CACNA1C: variants seen among roughly 807,000 people sequenced by gnomAD.
CACNA1C encodes the protein voltage-dependent L-type calcium channel subunit alpha-1C.
A neutral mutation model predicts 229.0 loss-of-function variants in CACNA1C; 30 were observed. The observed-to-expected ratio is 0.13, with a 90% CI of 0.10 to 0.18. The LOEUF (loss-of-function observed/expected upper bound fraction) is 0.18. Among genes scored for constraint, CACNA1C ranks in the 10% least tolerant of loss-of-function variants. CACNA1C has a pLI of 1.00. For synonymous variants in CACNA1C, 1,114 were observed against 1,132.5 expected (o/e 0.98, Z 0.33); for missense variants, 1,658 against 2,845.0 (o/e 0.58, Z 9.49).
chr12:2,571,403 T>C (rs570067626), intron 13 of CACNA1C, among the ~76,000 whole-genome samples: 11 of 152,164 alleles, frequency 7.2e-5, no homozygotes, highest in Non-Finnish European at 1.3e-4. Context: ...GTAAAACTAT[T>C]TTTAACTTGC....
In CACNA1C at chr12:2,601,791, T is replaced by G; in HGVS notation, c.2854-63T>G. 9.9e-7 allele frequency: 1 copy of G among 1,013,120 alleles called. No individual in the cohort carries two copies. The highest frequency in any genetic ancestry group is 1.6e-6 in the Non-Finnish European group (1 of 631,882). The allele number at this position is 1,013,120 out of a possible 1,614,324, so 62.8% of individuals were successfully genotyped here. On this transcript the variant is annotated intron_variant, in intron 21 of 46. Coordinates refer to ENST00000399655, the MANE Select transcript of CACNA1C (RefSeq NM_000719.7). The surrounding 1 kb of genome is among the most constrained non-coding windows in gnomAD (Gnocchi z 5.9). Reference sequence around the variant, plus strand: ...GATGCTGTGGGAGGAAGGGGTGGTGTGAGGGGTCTCTGGGCTAGGGCTAGG... The same window carrying G: ...GATGCTGTGGGAGGAAGGGGTGGTGGGAGGGGTCTCTGGGCTAGGGCTAGG...
At chr12:2,129,059 C>T (rs1330123552) in intron 3 of CACNA1C, among the ~76,000 whole-genome samples, 1 of 152,242 alleles carries the variant, frequency 6.6e-6, no homozygotes, top group Non-Finnish European at 1.5e-5. Flanking sequence ...GACAGCACAT[C>T]ACCTTTCCCA....
intron 2 of CACNA1C, among the ~76,000 whole-genome samples, chr12:2,117,291 A>G (rs558236183): frequency 6.6e-6 from 1 of 152,308 alleles, no homozygotes; most frequent in Admixed American, 6.5e-5. Flanking sequence ...ATAAATAAAT[A>G]TAAATGTTTG....
chr12:2,426,820 C>T (rs1029900226), intron 3 of CACNA1C, among the ~76,000 whole-genome samples: 1 of 152,212 alleles, frequency 6.6e-6, no homozygotes, highest in African/African-American at 2.4e-5. Flanking sequence ...TCCACATGGC[C>T]TCTCATTCTT....
intron 3 of CACNA1C, among the ~76,000 whole-genome samples, chr12:2,137,342 G>A (rs2093639771): frequency 6.6e-6 from 1 of 151,132 alleles, no homozygotes; most frequent in African/African-American, 2.4e-5. Flanking sequence ...CTACCTCACT[G>A]AGTTATGGCA....
chr12:2,136,014 C>T, intron 3 of CACNA1C, among the ~76,000 whole-genome samples: 1 of 150,644 alleles, frequency 6.6e-6, no homozygotes, highest in South Asian at 2.1e-4. Context: ...TCGTGGTGCG[C>T]CGTTTTTTAA....
chr12:2,180,580 T>C (rs575387758), intron 3 of CACNA1C, among the ~76,000 whole-genome samples: 2 of 152,332 alleles, frequency 1.3e-5, no homozygotes, highest in African/African-American at 4.8e-5. Context: ...GGCATGTGAC[T>C]ACAGTGGCTC....
chr12:2,255,277 A>C (rs76625156), intron 3 of CACNA1C, among the ~76,000 whole-genome samples: 6,701 of 152,170 alleles, frequency 0.044, 174 homozygotes, highest in Middle Eastern at 0.068. Context: ...AGAAAAAAAA[A>C]AAAAAAAAAC....
chr12:1,974,343 A>T (rs1163938746), intron 1 of CACNA1C, among the ~76,000 whole-genome samples: 2 of 152,054 alleles, frequency 1.3e-5, no homozygotes, highest in Non-Finnish European at 2.9e-5. Flanking sequence ...TTCAACCTTC[A>T]CTGAGAGTTT....
Position 2,677,278 on chromosome 12 carries a change from C to A in CACNA1C, c.4956+57C>A. Reference sequence around the variant, plus strand: ...GAAGGTCCTGGTCATTGCCTCTGACCTCCAGTCAGGGTCCCGGTCCCTCCC... The same window carrying A: ...GAAGGTCCTGGTCATTGCCTCTGACATCCAGTCAGGGTCCCGGTCCCTCCC... On this transcript the variant is annotated intron_variant, in intron 40 of 46. Coordinates refer to ENST00000399655, the MANE Select transcript of CACNA1C (RefSeq NM_000719.7). The surrounding 1 kb of genome is among the most constrained non-coding windows in gnomAD (Gnocchi z 7.4). 6.3e-7 allele frequency: 1 copy of A among 1,583,100 alleles called. No homozygotes were observed. The highest frequency in any genetic ancestry group is 8.6e-7 in the Non-Finnish European group (1 of 1,161,552).
chr12:2,053,664 T>C lies in CACNA1C; in HGVS notation c.49+53T>C, dbSNP rs2053093330. The C allele has an allele frequency of 6.9e-7, 1 of 1,441,054 alleles. No homozygotes were observed. Among genetic ancestry groups the C allele is most frequent in the Non-Finnish European group, 9.2e-7 (1 of 1,085,912 alleles). 89.3% of individuals were successfully genotyped at this position (1,441,054 alleles called of 1,614,324 possible). On this transcript the variant is annotated intron_variant, in intron 1 of 46. Coordinates refer to ENST00000399655, the MANE Select transcript of CACNA1C (RefSeq NM_000719.7). This position sits in a 1 kb window ranked among gnomAD's most constrained non-coding sequence, Gnocchi z 5.8. ...GGGCTCCCTGCCTTTTCCACCGGGT[T>C]CCTGCCCTACCCGCGCTCCCCGCGG...
chr12:2,393,885 C>CA (rs1387806172), intron 3 of CACNA1C, among the ~76,000 whole-genome samples: 1 of 152,064 alleles, frequency 6.6e-6, no homozygotes, highest in Non-Finnish European at 1.5e-5. Context: ...GTGGGAGGAT[C>CA]ATGGGAGGCT....
At chr12:2,090,310 C>CTTTTTTTTTTTTTT (rs145675982) in intron 1 of CACNA1C, among the ~76,000 whole-genome samples, 1 of 69,196 alleles carries the variant, frequency 1.4e-5, no homozygotes, top group African/African-American at 5.8e-5. Flanking sequence ...GGATAGACTA[C>CTTTTTTTTTTTTTT]TTTTTTTTTT....
At position 2,665,033 on chromosome 12, in the gene CACNA1C, C is replaced by A; in HGVS notation, c.4398+43C>A. 1 of 1,602,598 alleles carries A rather than the reference C, an allele frequency of 6.2e-7. No homozygotes were observed. The highest frequency in any genetic ancestry group is 1.1e-5 in the South Asian group (1 of 90,738). ...TCAACAGCCAGCAGCCATGACTGCC[C>A]AGTTCCAGGGCAGTCTGAACCGTCC... is the stretch of plus-strand genomic sequence containing the variant. On this transcript the variant is annotated intron_variant, in intron 35 of 46. Transcript: ENST00000399655. The surrounding 1 kb of genome is among the most constrained non-coding windows in gnomAD (Gnocchi z 5.9).
intron 1 of CACNA1C, among the ~76,000 whole-genome samples, chr12:2,016,461 C>T (rs1192426444): frequency 6.6e-6 from 1 of 151,708 alleles, no homozygotes; most frequent in Non-Finnish European, 1.5e-5. Flanking sequence ...CGAAGTTTTA[C>T]TCTTGTTGCC....
intron 8 of CACNA1C, among the ~76,000 whole-genome samples, chr12:2,511,664 CT>C (rs533659537): frequency 2.2e-4 from 33 of 152,152 alleles, no homozygotes; most frequent in Non-Finnish European, 4.1e-4. Flanking sequence ...AAATACTCCC[CT>C]ATGCCTATTT....
rs1180302231 is a variant in CACNA1C at position 2,678,844 on chromosome 12, C to G, written c.5092-600C>G. Among the ~76,000 whole-genome samples, 4 of 152,216 alleles carry G rather than the reference C, an allele frequency of 2.6e-5. No individual in the cohort carries two copies. Among genetic ancestry groups the G allele is most frequent in the Non-Finnish European group, 5.9e-5 (4 of 68,046 alleles). ...CGTGCAAATAGCTACTTGCCCACTT[C>G]CCCAGGACAAGGAAAAGAATACTGG... On this transcript the variant is annotated intron_variant, in intron 41 of 46. Coordinates refer to ENST00000399655, the MANE Select transcript of CACNA1C (RefSeq NM_000719.7). The surrounding 1 kb of genome is among the most constrained non-coding windows in gnomAD (Gnocchi z 4.1).
At chr12:2,220,542 C>T (rs1211448046) in intron 3 of CACNA1C, 1 of 152,090 alleles carries the variant, frequency 6.6e-6, no homozygotes, top group Non-Finnish European at 1.5e-5. Context: ...GTTGGGTTCT[C>T]CTAGATCAGT....
chr12:1,998,119 G>A, intron 1 of CACNA1C: 1 of 616,956 alleles, frequency 1.6e-6, no homozygotes, highest in Non-Finnish European at 2.7e-6. Flanking sequence ...TCAGGAAAAG[G>A]AGAAAGCAAG....
Sources: gnomAD v4.1 joint callset for allele counts (sites outside exome capture counted in the v4.1 genomes callset) on GRCh38, gnomAD v4.1.1 for gene constraint, Gnocchi (gnomAD v3.1) non-coding constraint, MANE v1.5 for transcripts, NCBI Gene and HGNC (gene_info 2026-07-23, HGNC 2026-07-21) for gene names.